Variants in NPSR1 observed in about 807,000 individuals in gnomAD.
The protein encoded by NPSR1 is neuropeptide S receptor 1.
Under a neutral mutation model 46.9 loss-of-function variants are expected in NPSR1, and 48 were observed. The ratio of observed to expected loss-of-function variants is 1.02; its 90% CI spans 0.81 to 1.30. The LOEUF is 1.30. Among genes scored for constraint, NPSR1 ranks in the 50% most tolerant of loss-of-function variants. The pLI is 0.00. For missense variants in NPSR1, 450 were observed against 449.5 expected, an observed-to-expected ratio of 1.00 and a Z score of -0.01; for synonymous variants, 176 against 168.1, an observed-to-expected ratio of 1.05 and a Z score of -0.36.
At chr7:34,774,083 C>T (rs556032570) in intron 2 of NPSR1, among the ~76,000 whole-genome samples, 23 of 152,282 alleles carry the variant, frequency 1.5e-4, no homozygotes, top group Non-Finnish European at 2.2e-4. Flanking sequence ...TTCTTCCACA[C>T]GAATAGATAA....
At chr7:34,860,944 C>T (rs1791179547) in intron 8 of NPSR1, among the ~76,000 whole-genome samples, 1 of 151,862 alleles carries the variant, frequency 6.6e-6, no homozygotes, top group Non-Finnish European at 1.5e-5. Flanking sequence ...CAATAGACAG[C>T]CGTTGCTGTA....
chr7:34,878,252 A>T (rs1791623203), exon 9 of NPSR1: 3 of 926,632 alleles, frequency 3.2e-6, no homozygotes, highest in African/African-American at 1.6e-5. Context: ...CCAGGGCACA[A>T]GGACACCAGT....
chr7:34,709,169 CG>C (rs1794261288), intron 2 of NPSR1, among the ~76,000 whole-genome samples: 1 of 152,116 alleles, frequency 6.6e-6, no homozygotes, highest in East Asian at 1.9e-4. Flanking sequence ...GGCCTCATTA[CG>C]TTTCTCAGGA....
chr7:34,740,419 G>A (rs1784884407), intron 2 of NPSR1, among the ~76,000 whole-genome samples: 1 of 151,120 alleles, frequency 6.6e-6, no homozygotes, highest in Non-Finnish European at 1.5e-5. Flanking sequence ...TTCTGTCCAG[G>A]AGACTTCTAG....
intron 2 of NPSR1, among the ~76,000 whole-genome samples, chr7:34,698,099 G>C (rs1413667361): frequency 6.6e-6 from 1 of 152,114 alleles, no homozygotes; most frequent in Non-Finnish European, 1.5e-5. Context: ...AGCTACATAT[G>C]TGTATCAAAA....
chr7:34,860,491 C>G (rs1285932958), intron 8 of NPSR1, among the ~76,000 whole-genome samples: 2 of 151,724 alleles, frequency 1.3e-5, no homozygotes, highest in Non-Finnish European at 1.5e-5. Context: ...CTATTTTCAA[C>G]AAAATTTAGT....
intron 2 of NPSR1, among the ~76,000 whole-genome samples, chr7:34,764,710 G>A (rs1412956443): frequency 6.6e-6 from 1 of 152,130 alleles, no homozygotes; most frequent in East Asian, 1.9e-4. Flanking sequence ...CCTTGGGGAC[G>A]GAGGCCAGAA....
intron 8 of NPSR1, among the ~76,000 whole-genome samples, chr7:34,870,683 G>T (rs1267819064): frequency 1.3e-5 from 2 of 151,794 alleles, no homozygotes; most frequent in Admixed American, 6.5e-5. Flanking sequence ...GACTGAATTT[G>T]CTCAGAATAA....
intron 3 of NPSR1, among the ~76,000 whole-genome samples, chr7:34,786,412 CT>C (rs1230396891): frequency 6.6e-6 from 1 of 152,170 alleles, no homozygotes; most frequent in African/African-American, 2.4e-5. Flanking sequence ...CAGTACCTTT[CT>C]CCAGTGAAAT....
At chr7:34,849,482 T>C in intron 8 of NPSR1, 83 bp from the exon 9 acceptor site, 1 of 1,604,274 alleles carries the variant, frequency 6.2e-7, no homozygotes, top group Non-Finnish European at 8.5e-7. Flanking sequence ...ACATTTTTCA[T>C]AACTATTGTC....
chr7:34,845,635 T>C (rs543271297), intron 7 of NPSR1: 1 of 455,276 alleles, frequency 2.2e-6, no homozygotes, highest in Admixed American at 2.4e-5. Flanking sequence ...CTCTGCCTTA[T>C]TTTTCTTCTT....
intron 3 of NPSR1, among the ~76,000 whole-genome samples, chr7:34,781,602 C>A (rs1787235409): frequency 6.6e-6 from 1 of 152,176 alleles, no homozygotes; most frequent in African/African-American, 2.4e-5. Flanking sequence ...GAGTAACCAA[C>A]AGTCATTCCT....
At chr7:34,829,589 C>T (rs2128757380) in intron 5 of NPSR1, among the ~76,000 whole-genome samples, 1 of 152,258 alleles carries the variant, frequency 6.6e-6, no homozygotes, top group East Asian at 1.9e-4. Context: ...TTCCCATCAA[C>T]TCAAGAAATG....
intron 2 of NPSR1, chr7:34,768,298 C>T (rs1337799113): frequency 6.6e-6 from 1 of 151,964 alleles, no homozygotes; most frequent in East Asian, 1.9e-4. Context: ...AATGAAGATA[C>T]AATAAGGACT....
intron 1 of NPSR1, among the ~76,000 whole-genome samples, chr7:34,683,207 G>C (rs1168143982): frequency 3.9e-5 from 6 of 152,138 alleles, no homozygotes; most frequent in African/African-American, 1.4e-4. Flanking sequence ...ACTTTGGGAG[G>C]CTGAGGCAGG....
chr7:34,766,825 G>A (rs1193873159), intron 2 of NPSR1, among the ~76,000 whole-genome samples: 3 of 152,048 alleles, frequency 2.0e-5, no homozygotes, highest in Admixed American at 6.5e-5. Flanking sequence ...CACCCGCCTC[G>A]GCCTCCCAAA....
At chr7:34,750,193 T>A in intron 2 of NPSR1, 1 of 439,766 alleles carries the variant, frequency 2.3e-6, no homozygotes, top group Non-Finnish European at 4.2e-6. Context: ...ATTAGAATTC[T>A]AGGTCACCCT....
downstream of NPSR1, among the ~76,000 whole-genome samples, chr7:34,852,481 G>T (rs1451911131): frequency 6.6e-6 from 1 of 152,122 alleles, no homozygotes; most frequent in African/African-American, 2.4e-5. Flanking sequence ...GATCTTGGTG[G>T]TTCCTCCCAG....
intron 4 of NPSR1, among the ~76,000 whole-genome samples, chr7:34,819,823 A>G (rs1054182140): frequency 6.6e-6 from 1 of 152,270 alleles, no homozygotes; most frequent in Non-Finnish European, 1.5e-5. Context: ...TCACAAAGAC[A>G]GAAAACCAAA....
Sources: gnomAD v4.1 joint callset for allele counts (sites outside exome capture counted in the v4.1 genomes callset) on GRCh38, gnomAD v4.1.1 for gene constraint, MANE v1.5 for transcripts, NCBI Gene and HGNC (gene_info 2026-07-23, HGNC 2026-07-21) for gene names.